Variants in ADGRG7 observed in about 807,000 individuals in gnomAD.
ADGRG7 encodes the protein adhesion G protein-coupled receptor G7, also known as G-protein coupled receptor 128.
A neutral mutation model predicts 88.6 loss-of-function variants in ADGRG7; 82 were observed. The observed-to-expected ratio is 0.93, with a 90% CI of 0.77 to 1.11. The LOEUF is 1.11. ADGRG7 is among the 50% of genes most tolerant of loss of function. The pLI, the probability that ADGRG7 is intolerant of heterozygous loss-of-function variation, is 0.00. For synonymous variants in ADGRG7, 381 were observed against 345.2 expected, an observed-to-expected ratio of 1.10 and a Z score of -1.15; for missense variants, 945 against 953.4, an observed-to-expected ratio of 0.99 and a Z score of 0.12.
Position 100,619,819 on chromosome 3 carries a change from A to T in ADGRG7, c.116-9779A>T, listed in dbSNP as rs1247378326. 6.6e-5 allele frequency among the ~76,000 whole-genome samples: 10 copies of T among 152,360 alleles called. No individual in the cohort carries two copies. The East Asian group carries it at 1.2e-3, about 18-fold the overall frequency. ...ACTAGAAAATCTAGAAGAAATGGAT[A>T]AATTCCTCGACACGTACACTCTCCC... On this transcript the variant is annotated intron_variant, in intron 1 of 15. Transcript: ENST00000273352.
At chr3:100,684,257 C>CTATTTATTTATTTATT (rs61090159) in intron 15 of ADGRG7, among the ~76,000 whole-genome samples, 4,090 of 145,308 alleles carry the variant, frequency 0.028, 128 homozygotes, top group Middle Eastern at 0.07. Context: ...TCCATTTTAT[C>CTATTTATTTATTTATT]TATTTATTTA....
Position 100,655,014 on chromosome 3 carries a change from AC to A in ADGRG7, c.1560del (p.Asn520LysfsTer19). ...GACATACCCAGGACAGACACCATTA[AC>A]ATCCCGAATCCCATGTGCACTGCGA... ...NNDIPRTDTI[N>X]IPNPMCTAIA... On this transcript the variant is annotated frameshift_variant, in exon 12 of 16. Coordinates refer to ENST00000273352, the MANE Select transcript of ADGRG7 (RefSeq NM_032787.3). LOFTEE classifies it high-confidence loss of function. The A allele has an allele frequency of 6.2e-7, 1 of 1,614,114 alleles. No individual in the cohort carries two copies. The highest frequency in any genetic ancestry group is 8.5e-7 in the Non-Finnish European group (1 of 1,180,004).
At chr3:100,688,903 C>G (rs2094988059) in intron 15 of ADGRG7, among the ~76,000 whole-genome samples, 1 of 152,166 alleles carries the variant, frequency 6.6e-6, no homozygotes, top group Non-Finnish European at 1.5e-5. Flanking sequence ...CCACTTGGTG[C>G]AGAGCCGCGT....
chr3:100,644,255 T>A (rs1456308235), intron 8 of ADGRG7, among the ~76,000 whole-genome samples: 1 of 151,958 alleles, frequency 6.6e-6, no homozygotes, highest in Non-Finnish European at 1.5e-5. Context: ...AAAAACCCGA[T>A]GTCAGAAAGT....
chr3:100,622,203 G>A (rs1484732076), intron 1 of ADGRG7, among the ~76,000 whole-genome samples: 13 of 150,642 alleles, frequency 8.6e-5, no homozygotes, highest in Non-Finnish European at 1.8e-4. Context: ...TGCATTTTAC[G>A]TTAGATCTAT....
chr3:100,657,914 A>C (rs1425592794), intron 13 of ADGRG7, among the ~76,000 whole-genome samples: 1 of 152,356 alleles, frequency 6.6e-6, no homozygotes, highest in South Asian at 2.1e-4. Flanking sequence ...CCAATGCAAA[A>C]AAAATTTAGA....
chr3:100,669,822 G>A (rs191316767), intron 15 of ADGRG7, among the ~76,000 whole-genome samples: 2 of 152,068 alleles, frequency 1.3e-5, no homozygotes. Context: ...GATTGCCTGA[G>A]GTCAGGAGTT....
intron 15 of ADGRG7, among the ~76,000 whole-genome samples, chr3:100,688,114 A>G (rs1199293906): frequency 3.9e-5 from 6 of 152,114 alleles, no homozygotes; most frequent in Non-Finnish European, 7.3e-5. Flanking sequence ...GGGAGAGTGT[A>G]TGTGTCGAGG....
rs143270945 is a variant in ADGRG7, at chr3:100,650,496, C to G, written c.1379+689C>G. On this transcript the variant is annotated intron_variant, in intron 11 of 15. Transcript: ENST00000273352. ...GGTCTTTCATGACATTGAAATTTTT[C>G]AAGCATCCAGGCCAGTTACTTTGAA... is the stretch of plus-strand genomic sequence containing the variant. Among the ~76,000 whole-genome samples, 528 of 152,266 alleles carry G rather than the reference C, an allele frequency of 3.5e-3. 5 individuals carry two copies. The highest frequency in any genetic ancestry group is 5.1e-3 in the Non-Finnish European group (350 of 68,020).
At chr3:100,629,373 T>A (rs1030590879) in intron 1 of ADGRG7, among the ~76,000 whole-genome samples, 1 of 152,120 alleles carries the variant, frequency 6.6e-6, no homozygotes, top group African/African-American at 2.4e-5. Flanking sequence ...CAAAGTATTA[T>A]GTCTTTCAAC....
At chr3:100,666,043 A>G (rs2094951282) in intron 14 of ADGRG7, among the ~76,000 whole-genome samples, 1 of 151,546 alleles carries the variant, frequency 6.6e-6, no homozygotes, top group South Asian at 2.1e-4. Flanking sequence ...TTAATGATCA[A>G]GGATGACTCA....
At chr3:100,675,704 T>G (rs1390965641) in intron 15 of ADGRG7, among the ~76,000 whole-genome samples, 4 of 152,158 alleles carry the variant, frequency 2.6e-5, no homozygotes, top group Admixed American at 6.5e-5. Flanking sequence ...CTTTAAATGT[T>G]TGGTAAAATT....
chr3:100,665,185 A>G, intron 14 of ADGRG7: 2 of 539,776 alleles, frequency 3.7e-6, no homozygotes, highest in Admixed American at 3.9e-5. Flanking sequence ...TTTGTTGTTC[A>G]GGCTTACATC....
At chr3:100,691,146 C>T (rs1261727842) in intron 15 of ADGRG7, among the ~76,000 whole-genome samples, 2 of 152,354 alleles carry the variant, frequency 1.3e-5, no homozygotes, top group South Asian at 2.1e-4. Context: ...CCTCCATGGG[C>T]GTAGGACCCT....
At chr3:100,625,981 G>T (rs1322296563) in intron 1 of ADGRG7, among the ~76,000 whole-genome samples, 2 of 152,190 alleles carry the variant, frequency 1.3e-5, no homozygotes, top group Non-Finnish European at 2.9e-5. Context: ...TTGTGTGTTT[G>T]TGTCTCTGCC....
intron 1 of ADGRG7, among the ~76,000 whole-genome samples, chr3:100,611,756 A>G (rs1707157882): frequency 6.6e-6 from 1 of 152,252 alleles, no homozygotes; most frequent in Admixed American, 6.5e-5. Flanking sequence ...TGTCATTTAA[A>G]GAAAAAGAGT....
chr3:100,643,498 T>C (rs755835902), intron 7 of ADGRG7, 28 bp from the exon 8 acceptor site: 4 of 1,608,706 alleles, frequency 2.5e-6, no homozygotes, highest in South Asian at 2.2e-5. Flanking sequence ...TGTAGACTTT[T>C]ACAATTCTAC....
At chr3:100,643,003 C>A (rs1341391002) in intron 6 of ADGRG7, among the ~76,000 whole-genome samples, 1 of 152,190 alleles carries the variant, frequency 6.6e-6, no homozygotes, top group Non-Finnish European at 1.5e-5. Flanking sequence ...TTTGGGAATT[C>A]TATAATTCTT....
At chr3:100,650,847 G>A (rs187223458) in intron 11 of ADGRG7, among the ~76,000 whole-genome samples, 31 of 152,190 alleles carry the variant, frequency 2.0e-4, no homozygotes, top group African/African-American at 7.0e-4. Flanking sequence ...TACATTAAGT[G>A]GTTGAAAAAT....
Sources: allele counts gnomAD v4.1 joint callset (sites outside exome capture counted in the v4.1 genomes callset), GRCh38; gene constraint gnomAD v4.1.1; transcripts MANE v1.5; gene names NCBI Gene and HGNC (gene_info 2026-07-23, HGNC 2026-07-21).